CHGA: variants seen among roughly 807,000 people sequenced by gnomAD.
CHGA encodes the protein chromogranin-A.
A neutral mutation model predicts 54.4 loss-of-function variants in CHGA; 41 were observed. The ratio of observed to expected loss-of-function variants is 0.75; its 90% CI spans 0.59 to 0.98. CHGA has a LOEUF of 0.98. CHGA is among the 50% of genes least tolerant of loss of function. CHGA has a pLI of 0.00. For missense variants in CHGA, 576 were observed against 582.3 expected (o/e 0.99, Z 0.11); for synonymous variants, 249 against 232.8 (o/e 1.07, Z -0.63).
At chr14:92,923,645 C>T (rs1886831786) in intron 1 of CHGA, among the ~76,000 whole-genome samples, 1 of 152,218 alleles carries the variant, frequency 6.6e-6, no homozygotes, top group South Asian at 2.1e-4. Flanking sequence ...TTGTGCCCAC[C>T]CCTTGTCTGG....
intron 2 of CHGA, among the ~76,000 whole-genome samples, chr14:92,924,866 G>C (rs1886856663): frequency 6.6e-6 from 1 of 152,172 alleles, no homozygotes; most frequent in South Asian, 2.1e-4. Flanking sequence ...TGTGTACTTG[G>C]AATTCATTCA....
In CHGA at chr14:92,931,514, C is replaced by T. The variant is rs777271507; in HGVS notation, c.620C>T (p.Ser207Phe). Residue 207 changes from serine (S) to phenylalanine (F), a missense_variant, in exon 6 of 8, where the codon TCT becomes TTT. Physicochemically the swap from Ser to Phe is radical, Grantham distance 155 (BLOSUM62 -2). Coordinates refer to ENST00000216492, the MANE Select transcript of CHGA (RefSeq NM_001275.4). ...PQAEGDSEGLSQGLVDREKGL... is the reference protein window; with the variant it reads ...PQAEGDSEGLFQGLVDREKGL... ...GCCGAGGGGGACAGTGAGGGCCTCT[C>T]TCAGGGTCTGGTGGACAGAGAGAAG... 1 of 1,612,710 alleles carries T rather than the reference C, an allele frequency of 6.2e-7. No individual in the cohort carries two copies. The highest frequency in any genetic ancestry group is 2.2e-5 in the East Asian group (1 of 44,848).
At chr14:92,929,312 G>A (rs1447551773) in intron 4 of CHGA, among the ~76,000 whole-genome samples, 1 of 142,628 alleles carries the variant, frequency 7.0e-6, no homozygotes, top group Admixed American at 6.8e-5. Context: ...GGTCCTGAGG[G>A]GTTCCCCACC....
chr14:92,934,136 C>T (rs60756243), intron 7 of CHGA, among the ~76,000 whole-genome samples: 33,693 of 152,170 alleles, frequency 0.22, 3,913 homozygotes, highest in East Asian at 0.39. Flanking sequence ...GCCTTCCCTG[C>T]GCTCCTGCTC....
Position 92,926,648 on chromosome 14 carries a change from A to C in CHGA, c.137A>C (p.Lys46Thr). The C allele has an allele frequency of 6.2e-7, 1 of 1,613,996 alleles. No homozygotes were observed. The highest frequency in any genetic ancestry group is 1.7e-5 in the Admixed American group (1 of 60,028). Residue 46 changes from lysine to threonine, a missense_variant, in exon 3 of 8, where the codon AAG becomes ACG. Coordinates refer to ENST00000216492, the MANE Select transcript of CHGA (RefSeq NM_001275.4). ...IVEVISDTLS[K>T]PSPMPVSQEC... The stretch of plus-strand genomic sequence containing the variant: ...GAGGTCATCTCCGACACACTTTCCA[A>C]GCCCAGCCCCATGCCTGTCAGCCAG...
intron 2 of CHGA, among the ~76,000 whole-genome samples, chr14:92,925,875 C>T (rs1208996903): frequency 2.6e-5 from 4 of 152,192 alleles, no homozygotes; most frequent in Admixed American, 1.3e-4. Context: ...TACCACATTA[C>T]GGTGGGCACC....
chr14:92,926,437 T>C (rs1173138598), intron 2 of CHGA, 168 bp from the exon 3 acceptor site: 2 of 622,448 alleles, frequency 3.2e-6, no homozygotes, highest in African/African-American at 3.7e-5. Context: ...ATCATTGCTA[T>C]CACTGTCTGG....
rs181411472 is a variant in CHGA at position 92,931,136 on chromosome 14, C to T, written c.356-114C>T. 84 of 1,075,518 alleles carry T rather than the reference C, an allele frequency of 7.8e-5. 3 individuals are homozygous for T. The African/African-American group carries it at 1.2e-3, about 15-fold the overall frequency. The allele number at this position is 1,075,518 out of a possible 1,614,324, so 66.6% of individuals were successfully genotyped here. A position where few individuals can be genotyped will look rare whatever the true frequency, so the allele number is the denominator to read the frequency against. On this transcript the variant is annotated intron_variant, in intron 5 of 7. Transcript: ENST00000216492. ...GGGTAACCCTAATCGTTGTCCTGGG[C>T]TGGGCTCGCTGGAAGCCAAGAAACA...
rs9658653 is a variant in CHGA at position 92,931,278 on chromosome 14, T to C, written c.384T>C (p.Asp128=). ...CGGTGGAAGAGCCATCATCCAAGGA[T>C]GTTATGGAGAAAAGAGAGGATTCCA... ...KEAVEEPSSK[D]VMEKREDSKE... Residue 128 remains aspartate, a synonymous_variant, in exon 6 of 8, where the codon GAT becomes GAC. Coordinates refer to ENST00000216492, the MANE Select transcript of CHGA (RefSeq NM_001275.4). 1.6e-3 allele frequency: 2,533 copies of C among 1,612,970 alleles called. 46 individuals are homozygous for C. The African/African-American group carries it at 0.03, about 19-fold the overall frequency.
At chr14:92,928,980 G>A (rs549996251) in intron 4 of CHGA, among the ~76,000 whole-genome samples, 7 of 152,332 alleles carry the variant, frequency 4.6e-5, no homozygotes, top group African/African-American at 7.2e-5. Flanking sequence ...AACCCACGTT[G>A]CCTGAGACCA....
rs1887084547 is a variant in CHGA at position 92,934,821 on chromosome 14, G to A, written c.1311G>A (p.Leu437=). 2 of 1,586,820 alleles carry A rather than the reference G, an allele frequency of 1.3e-6. No individual in the cohort carries two copies. The highest frequency in any genetic ancestry group is 1.7e-6 in the Non-Finnish European group (2 of 1,167,678). The change falls in exon 8 of 8, where the codon CTG becomes CTA. Residue 437 remains leucine (L), a synonymous_variant. Transcript: ENST00000216492. The part of the protein sequence containing the change: ...RRPEDQELES[L]SAIEAELEKV... Reference sequence around the variant, plus strand: ...CCTAGGACCAGGAGCTGGAGAGCCTGTCGGCCATTGAAGCAGAGCTGGAGA... The same window carrying A: ...CCTAGGACCAGGAGCTGGAGAGCCTATCGGCCATTGAAGCAGAGCTGGAGA...
At position 92,932,694 on chromosome 14, in the gene CHGA, C is replaced by G; in HGVS notation, c.1133C>G (p.Ala378Gly). ...RDSSMKLSFRARAYGFRGPGP... is the reference protein window; with the variant it reads ...RDSSMKLSFRGRAYGFRGPGP... ...AGTTCCATGAAGCTCTCCTTCCGGG[C>G]CCGGGCCTACGGCTTCAGGGGCCCT... The change falls in exon 7 of 8, where the codon GCC becomes GGC. Residue 378 changes from alanine (A) to glycine (G), a missense_variant. Physicochemically the swap from Ala to Gly is moderately conservative, Grantham distance 60. Transcript: ENST00000216492. The surrounding 1 kb of genome is among the most constrained non-coding windows in gnomAD (Gnocchi z 5.3). 6.2e-7 allele frequency: 1 copy of G among 1,610,600 alleles called. No homozygotes were observed. Among genetic ancestry groups the G allele is most frequent in the Non-Finnish European group, 8.5e-7 (1 of 1,179,478 alleles).
intron 2 of CHGA, among the ~76,000 whole-genome samples, chr14:92,925,236 G>A (rs1384035524): frequency 6.6e-6 from 1 of 152,150 alleles, no homozygotes; most frequent in African/African-American, 2.4e-5. Flanking sequence ...CAGTAAATGG[G>A]CACTTTTATT....
In CHGA at chr14:92,931,633, G is replaced by A; in HGVS notation, c.739G>A (p.Glu247Lys). Residue 247 changes from glutamate (E) to lysine (K), a missense_variant, in exon 6 of 8, where the codon GAA (glutamate) becomes AAA (lysine). Glu to Lys is a moderately conservative substitution (Grantham distance 56). Transcript: ENST00000216492. ...GGCTGGAGAGGAGGCTGTCCCCGAG[G>A]AAGAAGGCCCCACTGTAGTGCTGAA... is the stretch of plus-strand genomic sequence containing the variant. ...AEAGEEAVPE[E>K]EGPTVVLNPH... is the part of the protein sequence containing the mutation. 6.2e-7 allele frequency: 1 copy of A among 1,611,604 alleles called. No individual in the cohort carries two copies.
chr14:92,926,577 C>A (rs1257693166), intron 2 of CHGA, 28 bp from the exon 3 acceptor site: 2 of 1,607,036 alleles, frequency 1.2e-6, no homozygotes, highest in African/African-American at 2.7e-5. Flanking sequence ...CAAACCAGCC[C>A]CAACCTGCCC....
intron 3 of CHGA, 148 bp from the exon 4 acceptor site, chr14:92,927,402 A>C (rs548451673): frequency 1.5e-6 from 1 of 654,058 alleles, no homozygotes; most frequent in South Asian, 1.9e-5. Context: ...TAATTTCAAA[A>C]GTGTTATCTG....
intron 2 of CHGA, chr14:92,926,319 C>A: frequency 2.3e-6 from 1 of 431,322 alleles, no homozygotes; most frequent in Non-Finnish European, 4.2e-6. Context: ...TACCAGGTAC[C>A]ATTCCCTACA....
At position 92,935,078 on chromosome 14, in the gene CHGA, T is replaced by A; in HGVS notation, c.*194T>A. 3.8e-6 allele frequency: 2 copies of A among 531,542 alleles called. No homozygotes were observed. Among genetic ancestry groups the A allele is most frequent in the East Asian group, 6.8e-5 (2 of 29,506 alleles). 32.9% of individuals were successfully genotyped at this position (531,542 alleles called of 1,614,324 possible). ...CCTGACTCCTACCTGCCCTGGAACA[T>A]CCTTTGCAGGGCAGCCCCACAACTT... On this transcript the variant is annotated 3_prime_UTR_variant, in exon 8 of 8. Transcript: ENST00000216492.
intron 5 of CHGA, among the ~76,000 whole-genome samples, chr14:92,930,452 C>A (rs369558517): frequency 6.6e-6 from 1 of 152,210 alleles, no homozygotes; most frequent in African/African-American, 2.4e-5. Context: ...CCATCTGGGG[C>A]TGAAAGGGAA....
Sources: gnomAD v4.1 joint callset for allele counts (sites outside exome capture counted in the v4.1 genomes callset) on GRCh38, gnomAD v4.1.1 for gene constraint, Gnocchi (gnomAD v3.1) non-coding constraint, MANE v1.5 for transcripts, NCBI Gene and HGNC (gene_info 2026-07-23, HGNC 2026-07-21) for gene names.